Variants in TLK1 observed in about 807,000 individuals in gnomAD.
The protein encoded by TLK1 is serine/threonine-protein kinase tousled-like 1.
In TLK1, 24 loss-of-function variants were observed where a neutral mutation model predicts 105.3. The ratio of observed to expected loss-of-function variants is 0.23; its 90% CI spans 0.17 to 0.32. The LOEUF (loss-of-function observed/expected upper bound fraction) is 0.32. Among genes scored for constraint, TLK1 ranks in the 10% least tolerant of loss-of-function variants. The probability of loss-of-function intolerance (pLI) is 1.00; values close to 1 mark genes in which losing one functional copy is unlikely to be tolerated. For synonymous variants in TLK1, 321 were observed against 310.4 expected (o/e 1.03, Z -0.36); for missense variants, 558 against 910.5 (o/e 0.61, Z 4.98).
intron 1 of TLK1, among the ~76,000 whole-genome samples, chr2:171,180,071 G>A (rs1575648545): frequency 6.7e-6 from 1 of 149,794 alleles, no homozygotes; most frequent in Middle Eastern, 3.4e-3. Context: ...CTCCAGCCTG[G>A]GTGATAGAGT....
At chr2:171,074,197 C>T (rs1389028230) in intron 3 of TLK1, among the ~76,000 whole-genome samples, 1 of 152,106 alleles carries the variant, frequency 6.6e-6, no homozygotes, top group Non-Finnish European at 1.5e-5. Context: ...GGCCACATTC[C>T]CCATTTTTTA....
At chr2:171,187,071 A>AG (rs760210765) in intron 1 of TLK1, among the ~76,000 whole-genome samples, 2 of 122,206 alleles carry the variant, frequency 1.6e-5, no homozygotes, top group East Asian at 3.8e-4. Flanking sequence ...AAAAAAAAAA[A>AG]AAAAAAAAAA....
At chr2:171,158,665 C>G (rs900326632) in intron 1 of TLK1, among the ~76,000 whole-genome samples, 24 of 152,100 alleles carry the variant, frequency 1.6e-4, no homozygotes, top group South Asian at 8.3e-4. Context: ...TCTTTTTAAA[C>G]TCATAACACT....
chr2:171,112,576 A>G (rs190424646), intron 2 of TLK1, among the ~76,000 whole-genome samples: 130 of 152,324 alleles, frequency 8.5e-4, no homozygotes, highest in Admixed American at 1.6e-3. Context: ...AACAAGACAC[A>G]GCATTCAAGG....
upstream of TLK1, among the ~76,000 whole-genome samples, chr2:171,162,479 G>A (rs1692529045): frequency 6.6e-6 from 1 of 152,094 alleles, no homozygotes; most frequent in African/African-American, 2.4e-5. Context: ...CAGAAGTTGC[G>A]GTAAGCCTAG....
At position 171,049,895 on chromosome 2, in the gene TLK1, A is replaced by C. The variant is rs756496340; in HGVS notation, c.899T>G (p.Leu300Arg). Residue 300 changes from leucine (L) to arginine (R), a missense_variant, in exon 10 of 21, where the codon CTC becomes CGC. Physicochemically the swap from Leu to Arg is moderately radical, Grantham distance 102. Coordinates refer to ENST00000431350, the MANE Select transcript of TLK1 (RefSeq NM_012290.5). The stretch of plus-strand genomic sequence containing the variant: ...ATGTCTAACTGTTGTAAAGTGCCCG[A>C]GGCGTAATCGATCTTGCATACTCTT... ...REKSMQDRLRLGHFTTVRHGA... is the reference protein window; with the variant it reads ...REKSMQDRLRRGHFTTVRHGA... The C allele has an allele frequency of 6.2e-7, 1 of 1,613,908 alleles. No individual in the cohort carries two copies. The highest frequency in any genetic ancestry group is 8.5e-7 in the Non-Finnish European group (1 of 1,179,944).
intron 13 of TLK1, among the ~76,000 whole-genome samples, chr2:171,012,888 G>A (rs1290680981): frequency 6.6e-6 from 1 of 152,082 alleles, no homozygotes; most frequent in African/African-American, 2.4e-5. Flanking sequence ...TTAGTTTCAA[G>A]CCACACTGTA....
intron 2 of TLK1, among the ~76,000 whole-genome samples, chr2:171,098,525 G>A (rs970882065): frequency 6.6e-6 from 1 of 152,076 alleles, no homozygotes; most frequent in Admixed American, 6.5e-5. Flanking sequence ...AGGCCTAGAT[G>A]GTTTCACTGG....
At chr2:171,001,900 C>T (rs1416948750) in intron 18 of TLK1, among the ~76,000 whole-genome samples, 1 of 152,118 alleles carries the variant, frequency 6.6e-6, no homozygotes, top group Admixed American at 6.5e-5. Flanking sequence ...CCTGCCTCAG[C>T]CTCCATAGTA....
At chr2:171,090,151 T>C (rs1689164413) in intron 2 of TLK1, among the ~76,000 whole-genome samples, 2 of 152,190 alleles carry the variant, frequency 1.3e-5, no homozygotes, top group African/African-American at 4.8e-5. Context: ...AGTGAAGATG[T>C]CTTGAGTATC....
At chr2:171,229,162 C>A (rs1186960995) in intron 1 of TLK1, among the ~76,000 whole-genome samples, 1 of 152,208 alleles carries the variant, frequency 6.6e-6, no homozygotes, top group Admixed American at 6.5e-5. Context: ...GTGAGGCCTT[C>A]CCACTTAATT....
intron 11 of TLK1, among the ~76,000 whole-genome samples, chr2:171,032,056 A>G (rs1193533500): frequency 6.6e-6 from 1 of 151,940 alleles, no homozygotes; most frequent in African/African-American, 2.4e-5. Context: ...ACTGTACTCC[A>G]GCCTGGGCAA....
intron 2 of TLK1, among the ~76,000 whole-genome samples, chr2:171,112,021 G>T (rs1690197977): frequency 6.6e-6 from 1 of 152,166 alleles, no homozygotes; most frequent in African/African-American, 2.4e-5. Flanking sequence ...GCATGACCCT[G>T]GCGCACTGCA....
chr2:171,055,316 T>C (rs966116032), intron 6 of TLK1, 144 bp from the exon 7 acceptor site: 5 of 548,734 alleles, frequency 9.1e-6, no homozygotes, highest in Non-Finnish European at 1.5e-5. Context: ...CATAATTGAC[T>C]TTTAAAACCT....
chr2:171,160,404 T>G lies in TLK1; in HGVS notation c.25A>C (p.Ser9Arg). Residue 9 changes from serine to arginine, a missense_variant, in exon 1 of 21, where the codon AGT (serine) becomes CGT (arginine). Physicochemically the swap from Ser to Arg is moderately radical, Grantham distance 110 (BLOSUM62 -1). Transcript: ENST00000431350. This position sits in a 1 kb window ranked among gnomAD's most constrained non-coding sequence, Gnocchi z 4.4. ...GACCAAGATGGCGGCCCCTCCAAAC[T>G]TCCACTGCTACTTTGGACACTCATC... MSVQSSSG[S>R]LEGPPSWSQL... is the part of the protein sequence containing the mutation. 6.2e-7 allele frequency: 1 copy of G among 1,603,072 alleles called. No individual in the cohort carries two copies. Among genetic ancestry groups the G allele is most frequent in the South Asian group, 1.1e-5 (1 of 89,858 alleles).
intron 1 of TLK1, among the ~76,000 whole-genome samples, chr2:171,144,017 T>A (rs907135020): frequency 1.3e-5 from 2 of 152,148 alleles, no homozygotes; most frequent in African/African-American, 4.8e-5. Context: ...AAACATACCA[T>A]GCAAAAGAGC....
intron 3 of TLK1, among the ~76,000 whole-genome samples, chr2:171,065,026 TTATAA>T (rs66803446): frequency 0.21 from 31,669 of 151,992 alleles, 3,823 homozygotes; most frequent in Non-Finnish European, 0.28. Context: ...TGCTTTTATC[TTATAA>T]TAAAATATAA....
intron 1 of TLK1, among the ~76,000 whole-genome samples, chr2:171,208,751 G>A (rs1693555097): frequency 6.6e-6 from 1 of 152,174 alleles, no homozygotes; most frequent in Non-Finnish European, 1.5e-5. Context: ...TCATTCTCTT[G>A]GGGAAGCTGT....
chr2:171,050,200 AGGTCTAGACTGG>A, intron 8 of TLK1, 26 bp from the exon 9 acceptor site: 1 of 1,516,964 alleles, frequency 6.6e-7, no homozygotes, highest in African/African-American at 1.4e-5. Flanking sequence ...AAAATGCAAG[AGGTCTAGACTGG>A]GGAATATGAA....
Sources: gnomAD v4.1 joint callset for allele counts (sites outside exome capture counted in the v4.1 genomes callset) on GRCh38, gnomAD v4.1.1 for gene constraint, Gnocchi (gnomAD v3.1) non-coding constraint, MANE v1.5 for transcripts, NCBI Gene and HGNC (gene_info 2026-07-23, HGNC 2026-07-21) for gene names.